Variants in MICAL2 observed in about 807,000 individuals in gnomAD.
MICAL2 encodes microtubule associated monooxygenase, calponin and LIM domain containing 2.
In MICAL2, 77 loss-of-function variants were observed where a neutral mutation model predicts 127.3. The observed-to-expected ratio is 0.60, with a 90% CI of 0.50 to 0.73. MICAL2 has a LOEUF of 0.73. Ranked by LOEUF, MICAL2 falls within the 30% of genes least tolerant of loss-of-function variation. The pLI is 0.00. For synonymous variants in MICAL2, 570 were observed against 551.1 expected (o/e 1.03, Z -0.48); for missense variants, 1,351 against 1,434.4 (o/e 0.94, Z 0.94).
chr11:12,236,080 C>CG (rs1859012909), intron 15 of MICAL2, 97 bp from the exon 16 acceptor site: 1 of 1,007,160 alleles, frequency 9.9e-7, no homozygotes, highest in African/African-American at 1.6e-5. Context: ...ACATCCTCAG[C>CG]GCCAGCTCAA....
intron 2 of MICAL2, chr11:12,161,779 GAGCA>G (rs1486910879): frequency 4.1e-6 from 1 of 243,216 alleles, no homozygotes; most frequent in Non-Finnish European, 8.0e-6. Flanking sequence ...ACTTGGCTTA[GAGCA>G]AGATTGACTA....
chr11:12,173,577 G>A (rs1456622088), intron 3 of MICAL2, among the ~76,000 whole-genome samples: 2 of 152,174 alleles, frequency 1.3e-5, no homozygotes, highest in Admixed American at 6.5e-5. Context: ...ATTTCTAGGT[G>A]TACAATTAAT....
intron 15 of MICAL2, among the ~76,000 whole-genome samples, chr11:12,234,659 T>C (rs1449443863): frequency 6.6e-6 from 1 of 152,228 alleles, no homozygotes; most frequent in Non-Finnish European, 1.5e-5. Flanking sequence ...CTGTGGTTGA[T>C]CTTGTCTTTA....
intron 31 of MICAL2, among the ~76,000 whole-genome samples, chr11:12,326,552 G>T (rs750085918): frequency 6.6e-5 from 10 of 152,102 alleles, no homozygotes; most frequent in Non-Finnish European, 1.3e-4. Context: ...TTAATAACCT[G>T]CTAGTAACAA....
rs1416053439 is a variant in MICAL2 at position 12,162,434 on chromosome 11, T to C, written c.264+15T>C. The C allele has an allele frequency of 6.2e-7, 1 of 1,613,232 alleles. No homozygotes were observed. Among genetic ancestry groups the C allele is most frequent in the South Asian group, 1.1e-5 (1 of 91,044 alleles). ...CGAACACCAAGGTAAGGGGAAACCCTCCTAGTCTTACCTTTGCAGGGCGTG... is the reference window on the plus strand; with the variant it reads ...CGAACACCAAGGTAAGGGGAAACCCCCCTAGTCTTACCTTTGCAGGGCGTG... On this transcript the variant is annotated intron_variant, in intron 3 of 27. Coordinates refer to ENST00000683283, the MANE Select transcript of MICAL2 (RefSeq NM_001282663.2).
chr11:12,294,985 T>C (rs1863967529), downstream of MICAL2: 2 of 1,307,068 alleles, frequency 1.5e-6, no homozygotes, highest in African/African-American at 1.5e-5. Flanking sequence ...AGGAAAACTT[T>C]AAAGGCAAAA....
intron 29 of MICAL2, among the ~76,000 whole-genome samples, chr11:12,315,716 G>A (rs575763250): frequency 2.6e-5 from 4 of 152,268 alleles, no homozygotes; most frequent in African/African-American, 9.6e-5. Flanking sequence ...ATCTGTTGCT[G>A]TTTGGTGAAG....
At chr11:12,176,869 G>C (rs774352378) in intron 3 of MICAL2, among the ~76,000 whole-genome samples, 1 of 151,954 alleles carries the variant, frequency 6.6e-6, no homozygotes, top group Non-Finnish European at 1.5e-5. Context: ...TTTTGTATCT[G>C]TTCACTCATC....
chr11:12,168,202 G>T (rs1279607871), intron 3 of MICAL2, among the ~76,000 whole-genome samples: 1 of 145,868 alleles, frequency 6.9e-6, no homozygotes, highest in African/African-American at 2.5e-5. Context: ...TACACATACA[G>T]TTAGTCACAC....
chr11:12,330,817 GAGAGGGAGAGACAGAC>G (rs1390766066), intron 32 of MICAL2, among the ~76,000 whole-genome samples: 16 of 150,814 alleles, frequency 1.1e-4, no homozygotes, highest in African/African-American at 3.7e-4. Context: ...GAGAGAGAGA[GAGAGGGAGAGACAGAC>G]AGAGAGAGAG....
intron 2 of MICAL2, among the ~76,000 whole-genome samples, chr11:12,156,841 G>A (rs564976591): frequency 1.3e-5 from 2 of 152,250 alleles, no homozygotes; most frequent in Non-Finnish European, 2.9e-5. Flanking sequence ...TTCTGTGTGC[G>A]AGAGTTAGAG....
intron 29 of MICAL2, chr11:12,319,630 C>A: frequency 8.6e-7 from 1 of 1,165,654 alleles, no homozygotes; most frequent in Non-Finnish European, 1.3e-6. Flanking sequence ...GAGGAAGCAG[C>A]AGCTTTGGTT....
At chr11:12,294,990 GC>G, downstream of MICAL2, 1 of 1,287,406 alleles carries the variant, frequency 7.8e-7, no homozygotes. Flanking sequence ...AACTTTAAAG[GC>G]AAAAAATTTG....
chr11:12,124,476 G>T (rs981584124), intron 1 of MICAL2, among the ~76,000 whole-genome samples: 1 of 152,154 alleles, frequency 6.6e-6, no homozygotes, highest in Non-Finnish European at 1.5e-5. Context: ...CAGCCTTAAC[G>T]TTACGTGTTC....
chr11:12,262,198 G>T, intron 26 of MICAL2: 1 of 1,319,874 alleles, frequency 7.6e-7, no homozygotes, highest in Non-Finnish European at 9.7e-7. Flanking sequence ...ATTCAAGAAT[G>T]AATGGGAGAC....
At chr11:12,116,308 A>G (rs1384425290) in intron 1 of MICAL2, among the ~76,000 whole-genome samples, 1 of 139,370 alleles carries the variant, frequency 7.2e-6, no homozygotes, top group African/African-American at 2.7e-5. Flanking sequence ...CTCCTTTGCT[A>G]TCCCTCAAAT....
At chr11:12,342,583 A>G (rs567233524) in intron 32 of MICAL2, among the ~76,000 whole-genome samples, 4 of 152,354 alleles carry the variant, frequency 2.6e-5, no homozygotes, top group South Asian at 4.1e-4. Flanking sequence ...TAGGTGTGGT[A>G]TGGTATAGTT....
chr11:12,335,284 A>G lies in MICAL2; in HGVS notation c.5515+8018A>G, dbSNP rs1299818673. ...AAGTGTCTCTTCATATCCTTCACCC[A>G]CTTTTTGATGGGATTGTTTGTTTTT... On this transcript the variant is annotated intron_variant, in intron 32 of 34. Transcript: ENST00000646065. Among the ~76,000 whole-genome samples the G allele has an allele frequency of 8.6e-5, 13 of 151,700 alleles. No homozygotes were observed. In the East Asian group the frequency reaches 1.7e-3, roughly 20 times the overall value.
intron 29 of MICAL2, among the ~76,000 whole-genome samples, chr11:12,307,673 G>T (rs1247300388): frequency 6.6e-6 from 1 of 152,112 alleles, no homozygotes; most frequent in African/African-American, 2.4e-5. Flanking sequence ...GTTGTTGTTT[G>T]CCCAGAGGTA....
Sources: gnomAD v4.1 joint callset for allele counts (sites outside exome capture counted in the v4.1 genomes callset) on GRCh38, gnomAD v4.1.1 for gene constraint, MANE v1.5 for transcripts, NCBI Gene and HGNC (gene_info 2026-07-23, HGNC 2026-07-21) for gene names.